STPG2: variants seen among roughly 807,000 people sequenced by gnomAD.
STPG2 encodes the protein sperm-tail PG-rich repeat-containing protein 2.
In STPG2, 56 loss-of-function variants were observed where a neutral mutation model predicts 54.2. The observed-to-expected ratio is 1.03, with a 90% confidence interval of 0.83 to 1.29. The LOEUF (loss-of-function observed/expected upper bound fraction) is 1.29. Among genes scored for constraint, STPG2 ranks in the 50% most tolerant of loss-of-function variants. STPG2 has a pLI of 0.00. For missense variants in STPG2, 596 were observed against 544.9 expected (o/e 1.09, Z -0.93); for synonymous variants, 200 against 181.8 (o/e 1.10, Z -0.81).
At chr4:97,849,755 A>C (rs1729091026) in intron 8 of STPG2, among the ~76,000 whole-genome samples, 2 of 151,540 alleles carry the variant, frequency 1.3e-5, no homozygotes, top group African/African-American at 4.8e-5. Context: ...GGCAAGCATT[A>C]AAAAGTCAGG....
At chr4:97,529,041 C>T (rs557251367) in intron 4 of STPG2, among the ~76,000 whole-genome samples, 19 of 152,210 alleles carry the variant, frequency 1.2e-4, no homozygotes, top group East Asian at 1.9e-4. Context: ...TGGTGAGAGA[C>T]GGCATCCTTG....
intron 8 of STPG2, among the ~76,000 whole-genome samples, chr4:97,881,035 G>A (rs974900027): frequency 2.0e-5 from 3 of 151,804 alleles, no homozygotes; most frequent in Admixed American, 6.6e-5. Context: ...AAGATAACAG[G>A]TGATCTCAGT....
At chr4:97,955,633 C>T (rs1733648034) in intron 7 of STPG2, among the ~76,000 whole-genome samples, 1 of 151,978 alleles carries the variant, frequency 6.6e-6, no homozygotes, top group South Asian at 2.1e-4. Context: ...AAGATAATAG[C>T]CAAGAATTAT....
rs1560693187 is a variant in STPG2 at position 98,130,950 on chromosome 4, AC to A, written c.223-2359del. On this transcript the variant is annotated intron_variant, in intron 2 of 10. Coordinates refer to ENST00000295268, the MANE Select transcript of STPG2 (RefSeq NM_174952.3). ...AAAAAAAAAAAAAAACAAAAAAAAA[AC>A]GACTTTCCAAAATATAGCCCCTACC... 3.2e-3 allele frequency among the ~76,000 whole-genome samples: 396 copies of A among 123,148 alleles called. 42 individuals carry two copies. The highest frequency in any genetic ancestry group is 0.016 in the South Asian group (63 of 3,962). The allele number at this position is 123,148 out of a possible 152,430, so 80.8% of individuals were successfully genotyped here. A position where few individuals can be genotyped will look rare whatever the true frequency, so the allele number is the denominator to read the frequency against.
At chr4:97,604,978 C>T (rs1733557371) in intron 10 of STPG2, among the ~76,000 whole-genome samples, 1 of 151,700 alleles carries the variant, frequency 6.6e-6, no homozygotes, top group Non-Finnish European at 1.5e-5. Flanking sequence ...TATCCTTATA[C>T]TCTCTAAAAA....
chr4:97,906,561 C>A (rs1267822540), intron 8 of STPG2, among the ~76,000 whole-genome samples: 3 of 151,856 alleles, frequency 2.0e-5, no homozygotes, highest in African/African-American at 4.8e-5. Context: ...GAGACACAAC[C>A]AAAAAAGAGA....
chr4:97,616,082 ATATATATATATATG>A (rs1733864570), intron 10 of STPG2, among the ~76,000 whole-genome samples: 7 of 82,752 alleles, frequency 8.5e-5, no homozygotes, highest in African/African-American at 2.5e-4. Flanking sequence ...ATATATATAT[ATATATATATATATG>A]TATGTATATT....
chr4:98,057,485 T>C (rs1737517898), intron 5 of STPG2, among the ~76,000 whole-genome samples: 1 of 150,338 alleles, frequency 6.7e-6, no homozygotes, highest in South Asian at 2.1e-4. Context: ...CTTTCTAAAA[T>C]AAGCCAGGCA....
chr4:97,750,363 T>G (rs184919812), intron 9 of STPG2, among the ~76,000 whole-genome samples: 57 of 151,928 alleles, frequency 3.8e-4, no homozygotes, highest in African/African-American at 1.3e-3. Context: ...TCTAGAAAAC[T>G]CATCTCTTCA....
intron 10 of STPG2, among the ~76,000 whole-genome samples, chr4:97,632,625 T>C (rs1007346707): frequency 9.2e-5 from 14 of 152,142 alleles, no homozygotes; most frequent in African/African-American, 3.1e-4. Context: ...CAGATATCAA[T>C]ATGCTTTATA....
At chr4:97,557,481 G>A (rs1365351196), downstream of STPG2, among the ~76,000 whole-genome samples, 1 of 152,098 alleles carries the variant, frequency 6.6e-6, no homozygotes, top group African/African-American at 2.4e-5. Context: ...AAAACACTGT[G>A]AAGAAAATTA....
intron 10 of STPG2, among the ~76,000 whole-genome samples, chr4:97,641,061 C>T (rs993778343): frequency 1.3e-5 from 2 of 151,582 alleles, no homozygotes; most frequent in African/African-American, 4.8e-5. Flanking sequence ...ATCTTTCTCT[C>T]TAAAATTGGG....
intron 10 of STPG2, among the ~76,000 whole-genome samples, chr4:97,692,585 A>C (rs770084450): frequency 6.6e-6 from 1 of 152,176 alleles, no homozygotes; most frequent in Non-Finnish European, 1.5e-5. Context: ...GGTATTCCCG[A>C]GGAAGAAGAG....
At chr4:97,699,025 A>C (rs1723679381) in intron 10 of STPG2, among the ~76,000 whole-genome samples, 1 of 152,194 alleles carries the variant, frequency 6.6e-6, no homozygotes, top group African/African-American at 2.4e-5. Flanking sequence ...TATCCAGAGT[A>C]AGTGTCTATT....
chr4:97,479,058 A>G (rs1730152126), intron 4 of STPG2, among the ~76,000 whole-genome samples: 1 of 151,966 alleles, frequency 6.6e-6, no homozygotes, highest in Admixed American at 6.6e-5. Context: ...GATTGATTAA[A>G]TATTTAAATA....
intron 8 of STPG2, among the ~76,000 whole-genome samples, chr4:97,932,024 G>T (rs751632085): frequency 2.2e-4 from 33 of 152,040 alleles, no homozygotes; most frequent in Non-Finnish European, 5.9e-5. Flanking sequence ...TTTGTACTTT[G>T]TGTGTAGAGA....
chr4:97,560,255 C>T (rs1236247290), intron 10 of STPG2, among the ~76,000 whole-genome samples: 2 of 152,108 alleles, frequency 1.3e-5, no homozygotes, highest in African/African-American at 4.8e-5. Flanking sequence ...TGAAATAGTA[C>T]CCTTCTCTGC....
chr4:97,838,092 T>G (rs1213467072), intron 9 of STPG2, among the ~76,000 whole-genome samples: 2 of 151,582 alleles, frequency 1.3e-5, no homozygotes, highest in Non-Finnish European at 3.0e-5. Context: ...ATAGTTTTAT[T>G]TATGTGTACA....
chr4:97,841,811 G>A (rs752367929), intron 8 of STPG2, among the ~76,000 whole-genome samples: 1 of 151,702 alleles, frequency 6.6e-6, no homozygotes, highest in Non-Finnish European at 1.5e-5. Flanking sequence ...TGTGAAAAGT[G>A]AGAAAAATGA....
Sources: gnomAD v4.1 joint callset for allele counts (sites outside exome capture counted in the v4.1 genomes callset) on GRCh38, gnomAD v4.1.1 for gene constraint, MANE v1.5 for transcripts, NCBI Gene and HGNC (gene_info 2026-07-23, HGNC 2026-07-21) for gene names.